Variants in ZCCHC14 observed in about 807,000 individuals in gnomAD.
ZCCHC14 encodes the protein zinc finger CCHC domain-containing protein 14.
ZCCHC14 carries 16 observed loss-of-function variants against 85.0 expected under a neutral mutation model. The observed-to-expected ratio is 0.19, with a 90% confidence interval of 0.13 to 0.29. The LOEUF is 0.29. ZCCHC14 is among the 10% of genes least tolerant of loss of function. ZCCHC14 has a pLI of 1.00. For synonymous variants in ZCCHC14, 775 were observed against 630.7 expected (o/e 1.23, Z -3.43); for missense variants, 1,303 against 1,443.5 (o/e 0.90, Z 1.58).
chr16:87,411,659 C>G lies in ZCCHC14; in HGVS notation c.3062G>C (p.Gly1021Ala). 6.2e-7 allele frequency: 1 copy of G among 1,614,042 alleles called. No homozygotes were observed. The highest frequency in any genetic ancestry group is 1.1e-5 in the South Asian group (1 of 91,086). Residue 1021 changes from glycine (G) to alanine (A), a missense_variant, in exon 12 of 13, where the codon GGG becomes GCG. This residue lies in a region of ZCCHC14 where 797 missense variants were observed against 730.8 expected (regional missense o/e 1.09). Coordinates refer to ENST00000671377, the MANE Select transcript of ZCCHC14 (RefSeq NM_015144.3). ...CACCAGTCCTTGGGTCTGGTACACCCCTGCTGTCCCTGCCATGAAGTTCTG... is the reference window on the plus strand; with the variant it reads ...CACCAGTCCTTGGGTCTGGTACACCGCTGCTGTCCCTGCCATGAAGTTCTG... ...PMQNFMAGTA[G>A]VYQTQGLVGS...
chr16:87,423,331 T>A (rs1909201255), intron 4 of ZCCHC14, among the ~76,000 whole-genome samples: 2 of 152,138 alleles, frequency 1.3e-5, no homozygotes, highest in Non-Finnish European at 2.9e-5. Context: ...CAGTGAGCTG[T>A]GATGATGGTA....
chr16:87,412,235 G>A lies in ZCCHC14; in HGVS notation c.2486C>T (p.Pro829Leu). The A allele has an allele frequency of 6.2e-7, 1 of 1,612,526 alleles. No individual in the cohort carries two copies. The highest frequency in any genetic ancestry group is 8.5e-7 in the Non-Finnish European group (1 of 1,178,798). Reference sequence around the variant, plus strand: ...GAAGCCACCCTGCAGGGGGCCCACTGGCATACTGCTCATTGCAGAAAAGGC... The same window carrying A: ...GAAGCCACCCTGCAGGGGGCCCACTAGCATACTGCTCATTGCAGAAAAGGC... ...KVAFSAMSSMPVGPLQGGFCA... is the reference protein window; with the variant it reads ...KVAFSAMSSMLVGPLQGGFCA... The change falls in exon 12 of 13, where the codon CCA (proline) becomes CTA (leucine). Residue 829 changes from proline (P) to leucine (L), a missense_variant. Transcript: ENST00000671377.
chr16:87,452,663 A>T (rs551263396), intron 2 of ZCCHC14, among the ~76,000 whole-genome samples: 13 of 151,250 alleles, frequency 8.6e-5, no homozygotes, highest in African/African-American at 2.5e-4. Context: ...TTCACAATTT[A>T]AAAAAAACAG....
chr16:87,438,516 G>T (rs1910038729), intron 2 of ZCCHC14, among the ~76,000 whole-genome samples: 1 of 152,210 alleles, frequency 6.6e-6, no homozygotes, highest in African/African-American at 2.4e-5. Flanking sequence ...TGCCTCCCAA[G>T]ACCTGAGTTC....
rs761159827 is a variant in ZCCHC14, at chr16:87,411,827, C to A, written c.2894G>T (p.Ser965Ile). The A allele has an allele frequency of 6.2e-7, 1 of 1,611,228 alleles. No homozygotes were observed. The highest frequency in any genetic ancestry group is 8.5e-7 in the Non-Finnish European group (1 of 1,178,966). ...SVFTFPFLPF[S>I]PMCSSGYVSA... The stretch of plus-strand genomic sequence containing the variant: ...GACGTAGCCGCTGCTGCACATGGGA[C>A]TGAAGGGCAAGAAGGGGAAGGTGAA... The change falls in exon 12 of 13, where the codon AGT becomes ATT. Residue 965 changes from serine to isoleucine, a missense_variant. Physicochemically the swap from Ser to Ile is moderately radical, Grantham distance 142 (BLOSUM62 -2). Transcript: ENST00000671377.
chr16:87,477,405 C>G (rs1912070287), intron 1 of ZCCHC14, among the ~76,000 whole-genome samples: 1 of 152,210 alleles, frequency 6.6e-6, no homozygotes, highest in South Asian at 2.1e-4. Flanking sequence ...GCACATGGGG[C>G]AGCCCCGGGC....
At chr16:87,434,083 T>C (rs905358745) in intron 2 of ZCCHC14, among the ~76,000 whole-genome samples, 1 of 152,198 alleles carries the variant, frequency 6.6e-6, no homozygotes, top group Non-Finnish European at 1.5e-5. Context: ...CTGCACGGGA[T>C]GGACAGCCAG....
Position 87,412,811 on chromosome 16 carries a change from G to A in ZCCHC14, c.1910C>T (p.Ala637Val), listed in dbSNP as rs1246138605. The stretch of plus-strand genomic sequence containing the variant: ...GCGGATGGGTGTGATGTGTGAGGCT[G>A]CGCTCAGCATCTGCGGGGGCAGGGG... ...HHPLPPQMLS[A>V]ASHITPIRML... Residue 637 changes from alanine (A) to valine (V), a missense_variant, in exon 12 of 13, where the codon GCA becomes GTA. Around this residue, in one of 7 missense-constraint regions of ZCCHC14, gnomAD observed 797 missense variants for 730.8 expected, o/e 1.09. Transcript: ENST00000671377. 2 of 1,611,928 alleles carry A rather than the reference G, an allele frequency of 1.2e-6. No individual in the cohort carries two copies. The highest frequency in any genetic ancestry group is 2.2e-5 in the East Asian group (1 of 44,860).
intron 2 of ZCCHC14, among the ~76,000 whole-genome samples, chr16:87,446,850 GT>G (rs1316778145): frequency 3.3e-5 from 5 of 151,874 alleles, no homozygotes; most frequent in African/African-American, 9.7e-5. Flanking sequence ...TGCCTGGCTA[GT>G]TTTTTTGTAT....
At chr16:87,461,674 C>T (rs1911265371) in intron 1 of ZCCHC14, among the ~76,000 whole-genome samples, 1 of 152,206 alleles carries the variant, frequency 6.6e-6, no homozygotes, top group African/African-American at 2.4e-5. Flanking sequence ...GTGGCCTCGA[C>T]CTCAGACAGG....
In ZCCHC14 at chr16:87,411,538, C is replaced by T. The variant is rs530537486; in HGVS notation, c.3183G>A (p.Pro1061=). 2.6e-5 allele frequency: 42 copies of T among 1,613,626 alleles called. No homozygotes were observed. Among genetic ancestry groups the T allele is most frequent in the Middle Eastern group, 1.6e-4 (1 of 6,062 alleles). The part of the protein sequence containing the change: ...TGHRAQDCKQ[P]SMDFNRPGTF... ...TACCTGGCCGGTTGAAGTCCATGGA[C>T]GGCTGTTTGCAGTCCTGGGCGCGGT... The change falls in exon 12 of 13, where the codon CCG becomes CCA. Residue 1061 remains proline (P), a synonymous_variant. Coordinates refer to ENST00000671377, the MANE Select transcript of ZCCHC14 (RefSeq NM_015144.3).
intron 1 of ZCCHC14, among the ~76,000 whole-genome samples, chr16:87,485,047 T>C (rs1912450769): frequency 6.6e-6 from 1 of 152,108 alleles, no homozygotes; most frequent in Non-Finnish European, 1.5e-5. Context: ...CAAGGGCGAA[T>C]GATTTTTCTG....
chr16:87,439,516 C>G (rs1201084271), intron 2 of ZCCHC14, among the ~76,000 whole-genome samples: 1 of 152,086 alleles, frequency 6.6e-6, no homozygotes, highest in African/African-American at 2.4e-5. Context: ...CAAAGTAAAG[C>G]AAAGCTGAAT....
At chr16:87,450,806 T>G (rs1465908962) in intron 2 of ZCCHC14, among the ~76,000 whole-genome samples, 1 of 152,200 alleles carries the variant, frequency 6.6e-6, no homozygotes, top group Non-Finnish European at 1.5e-5. Context: ...TCTGCCTGCC[T>G]TGGCCTCCCA....
intron 2 of ZCCHC14, among the ~76,000 whole-genome samples, chr16:87,438,670 T>C (rs1910045602): frequency 6.6e-6 from 1 of 152,146 alleles, no homozygotes; most frequent in African/African-American, 2.4e-5. Flanking sequence ...AGATATAAAA[T>C]CCCCAAGAAA....
intron 2 of ZCCHC14, among the ~76,000 whole-genome samples, chr16:87,458,371 A>AT (rs1192475617): frequency 6.6e-6 from 1 of 152,168 alleles, no homozygotes; most frequent in Non-Finnish European, 1.5e-5. Flanking sequence ...CATCACCAGG[A>AT]TGAGGGTGCG....
chr16:87,417,908 C>G (rs1387259926), intron 7 of ZCCHC14, 166 bp from the exon 8 acceptor site: 1 of 754,472 alleles, frequency 1.3e-6, no homozygotes, highest in African/African-American at 1.8e-5. Flanking sequence ...TATGACTGCC[C>G]TCCCTCCCCA....
chr16:87,424,959 G>A (rs1360338466), intron 3 of ZCCHC14, among the ~76,000 whole-genome samples: 1 of 152,104 alleles, frequency 6.6e-6, no homozygotes, highest in Non-Finnish European at 1.5e-5. Context: ...CTGATTTAGA[G>A]CAAAGAGAGC....
Position 87,417,687 on chromosome 16 carries a change from C to T in ZCCHC14, c.1156G>A (p.Gly386Arg), listed in dbSNP as rs745973627. 1.1e-5 allele frequency: 18 copies of T among 1,610,138 alleles called. No homozygotes were observed. Among genetic ancestry groups the T allele is most frequent in the Non-Finnish European group, 1.4e-5 (16 of 1,178,748 alleles). The stretch of plus-strand genomic sequence containing the variant: ...GCGGCGGAGCCGGCCGGGTGCTGCC[C>T]GTGGTGCTGGGCTCCGCTCTGCGAG... ...PSSQSGAQHHGQHPAGSAAPL... is the reference protein window; with the variant it reads ...PSSQSGAQHHRQHPAGSAAPL... Residue 386 changes from glycine (G) to arginine (R), a missense_variant, in exon 8 of 13, where the codon GGG becomes AGG. Physicochemically the swap from Gly to Arg is moderately radical, Grantham distance 125. Transcript: ENST00000671377.
Sources: gnomAD v4.1 joint callset for allele counts (sites outside exome capture counted in the v4.1 genomes callset) on GRCh38, gnomAD v4.1.1 for gene constraint, gnomAD v4.1.1 regional missense constraint, MANE v1.5 for transcripts, NCBI Gene and HGNC (gene_info 2026-07-23, HGNC 2026-07-21) for gene names.